SND1: variants seen among roughly 807,000 people sequenced by gnomAD.
The protein encoded by SND1 is staphylococcal nuclease and tudor domain containing 1.
SND1 carries 38 observed loss-of-function variants against 121.7 expected under a neutral mutation model. That is an observed-to-expected ratio of 0.31 (90% CI 0.24 to 0.41). The LOEUF (loss-of-function observed/expected upper bound fraction) is 0.41. SND1 is among the 10% of genes least tolerant of loss of function. The probability of loss-of-function intolerance (pLI) is 1.00; values close to 1 mark genes in which losing one functional copy is unlikely to be tolerated. For missense variants in SND1, 868 were observed against 1,184.6 expected (o/e 0.73, Z 3.92); for synonymous variants, 401 against 447.4 (o/e 0.90, Z 1.31).
At chr7:127,988,907 A>G (rs1470758238) in intron 15 of SND1, among the ~76,000 whole-genome samples, 1 of 152,200 alleles carries the variant, frequency 6.6e-6, no homozygotes. Context: ...TTCTGCAACA[A>G]TGCTTTTTCT....
intron 12 of SND1, chr7:127,858,027 C>T: frequency 6.9e-7 from 1 of 1,446,458 alleles, no homozygotes; most frequent in South Asian, 1.1e-5. Flanking sequence ...TATATTCCCA[C>T]ATCACATCCA....
intron 9 of SND1, among the ~76,000 whole-genome samples, chr7:127,712,602 A>G (rs1278749381): frequency 6.6e-6 from 1 of 152,242 alleles, no homozygotes; most frequent in East Asian, 1.9e-4. Context: ...GGACTGCGGT[A>G]TAAATCAGAT....
At chr7:127,717,715 T>C (rs1281536922) in intron 9 of SND1, among the ~76,000 whole-genome samples, 1 of 152,190 alleles carries the variant, frequency 6.6e-6, no homozygotes, top group African/African-American at 2.4e-5. Flanking sequence ...GTCATGCTTG[T>C]AGAAGGCCCT....
chr7:127,871,835 T>C (rs1013204765), intron 12 of SND1, among the ~76,000 whole-genome samples: 3 of 152,110 alleles, frequency 2.0e-5, no homozygotes, highest in Admixed American at 6.6e-5. Context: ...TCCTAGTTCA[T>C]GTTAAAAATT....
At chr7:127,778,832 G>A (rs1797668199) in intron 10 of SND1, among the ~76,000 whole-genome samples, 2 of 152,140 alleles carry the variant, frequency 1.3e-5, no homozygotes, top group South Asian at 4.1e-4. Flanking sequence ...AACTAAGAAG[G>A]CACCTATAAG....
chr7:127,656,340 T>C (rs1342312545), intron 1 of SND1, among the ~76,000 whole-genome samples: 4 of 150,620 alleles, frequency 2.7e-5, no homozygotes, highest in Admixed American at 6.6e-5. Context: ...TTTTTTTTTT[T>C]AAGATGGAGT....
Position 128,029,951 on chromosome 7 carries a change from G to A in SND1, c.1779+38895G>A, listed in dbSNP as rs1368092744. On this transcript the variant is annotated intron_variant, in intron 16 of 23. Transcript: ENST00000354725. This position sits in a 1 kb window ranked among gnomAD's most constrained non-coding sequence, Gnocchi z 4.2. ...GGAAGGAGCCAGGCCTGATCTCAGGGAAGTGGTTCCCTGACATCTCCAGCT... is the reference window on the plus strand; with the variant it reads ...GGAAGGAGCCAGGCCTGATCTCAGGAAAGTGGTTCCCTGACATCTCCAGCT... 2 of 1,613,174 alleles carry A rather than the reference G, an allele frequency of 1.2e-6. No homozygotes were observed. The highest frequency in any genetic ancestry group is 1.7e-6 in the Non-Finnish European group (2 of 1,180,026).
intron 11 of SND1, among the ~76,000 whole-genome samples, chr7:127,817,176 G>C (rs1290442126): frequency 6.6e-6 from 1 of 152,200 alleles, no homozygotes; most frequent in Admixed American, 6.5e-5. Flanking sequence ...TGTTGTATAA[G>C]AAGTTGAATA....
chr7:127,696,581 G>A (rs1040818169), intron 3 of SND1, among the ~76,000 whole-genome samples: 2 of 152,172 alleles, frequency 1.3e-5, no homozygotes, highest in Non-Finnish European at 2.9e-5. Flanking sequence ...CATAATAGCT[G>A]ATCAGTCTTC....
chr7:127,874,225 T>A (rs1442132616), intron 12 of SND1, among the ~76,000 whole-genome samples: 2 of 152,172 alleles, frequency 1.3e-5, no homozygotes, highest in Admixed American at 1.3e-4. Context: ...TCTGATGATT[T>A]TCATCTTCTG....
At chr7:127,902,755 C>T (rs1338578001) in intron 13 of SND1, among the ~76,000 whole-genome samples, 3 of 151,832 alleles carry the variant, frequency 2.0e-5, no homozygotes, top group African/African-American at 7.2e-5. Context: ...CTTGCTCTTT[C>T]GCCCAGGTTA....
intron 4 of SND1, 141 bp from the exon 5 acceptor site, chr7:127,701,022 G>A: frequency 1.2e-6 from 1 of 843,088 alleles, no homozygotes. Flanking sequence ...CTGGTTATAG[G>A]CTTGGGTCTT....
intron 9 of SND1, among the ~76,000 whole-genome samples, chr7:127,713,111 T>C (rs1173120137): frequency 6.6e-6 from 1 of 152,242 alleles, no homozygotes; most frequent in South Asian, 2.1e-4. Flanking sequence ...ATTGTAAATA[T>C]TTTAGGCTTG....
intron 17 of SND1, 54 bp downstream of exon 17, chr7:128,074,744 C>A: frequency 6.7e-7 from 1 of 1,483,020 alleles, no homozygotes; most frequent in Non-Finnish European, 9.2e-7. Flanking sequence ...TCCTCACACA[C>A]TAATGCTGCT....
At chr7:127,673,369 T>G (rs1386772122) in intron 1 of SND1, among the ~76,000 whole-genome samples, 2 of 152,136 alleles carry the variant, frequency 1.3e-5, no homozygotes, top group Non-Finnish European at 2.9e-5. Context: ...TGGCTTACAG[T>G]GATGTGATCT....
At chr7:127,885,228 A>T (rs1476745449) in intron 12 of SND1, among the ~76,000 whole-genome samples, 7 of 152,178 alleles carry the variant, frequency 4.6e-5, no homozygotes, top group African/African-American at 1.7e-4. Flanking sequence ...CAATGAATGA[A>T]TAATTGCCAT....
rs1462981579 is a variant in SND1, at chr7:128,029,297, G to A, written c.1779+38241G>A. On this transcript the variant is annotated intron_variant, in intron 16 of 23. Transcript: ENST00000354725. The surrounding 1 kb of genome is among the most constrained non-coding windows in gnomAD (Gnocchi z 4.2). ...CTGTGGTGAAGAAGCTGTAGTTGGAGGTGTTAAGCTCAGCCGTGCTCACAT... is the reference window on the plus strand; with the variant it reads ...CTGTGGTGAAGAAGCTGTAGTTGGAAGTGTTAAGCTCAGCCGTGCTCACAT... 1 of 1,614,070 alleles carries A rather than the reference G, an allele frequency of 6.2e-7. No individual in the cohort carries two copies. The highest frequency in any genetic ancestry group is 1.3e-5 in the African/African-American group (1 of 74,930).
intron 11 of SND1, among the ~76,000 whole-genome samples, chr7:127,812,400 G>A (rs1402984155): frequency 6.6e-6 from 1 of 152,166 alleles, no homozygotes; most frequent in African/African-American, 2.4e-5. Context: ...TCATCAAGTC[G>A]TTCTTCAGAG....
At chr7:127,766,999 G>A (rs570231039) in intron 10 of SND1, among the ~76,000 whole-genome samples, 1 of 151,764 alleles carries the variant, frequency 6.6e-6, no homozygotes, top group Non-Finnish European at 1.5e-5. Context: ...ACAGCTCATG[G>A]CAATAACACT....
Sources: gnomAD v4.1 joint callset for allele counts (sites outside exome capture counted in the v4.1 genomes callset) on GRCh38, gnomAD v4.1.1 for gene constraint, Gnocchi (gnomAD v3.1) non-coding constraint, MANE v1.5 for transcripts, NCBI Gene and HGNC (gene_info 2026-07-23, HGNC 2026-07-21) for gene names.